FUBP1: variants seen among roughly 807,000 people sequenced by gnomAD.
The protein encoded by FUBP1 is far upstream element binding protein 1.
Under a neutral mutation model 94.9 loss-of-function variants are expected in FUBP1, and 16 were observed. The observed-to-expected ratio is 0.17, with a 90% CI of 0.11 to 0.26. The LOEUF (loss-of-function observed/expected upper bound fraction) is 0.26, where lower values mean the gene tolerates loss of function less well. Ranked by LOEUF, FUBP1 falls within the 10% of genes least tolerant of loss-of-function variation. FUBP1 has a pLI of 1.00. For missense variants in FUBP1, 583 were observed against 808.6 expected, an observed-to-expected ratio of 0.72 and a Z score of 3.38; for synonymous variants, 279 against 254.9, an observed-to-expected ratio of 1.09 and a Z score of -0.90.
At chr1:77,977,141 C>G (rs192873751) in intron 1 of FUBP1, among the ~76,000 whole-genome samples, 1 of 152,312 alleles carries the variant, frequency 6.6e-6, no homozygotes, top group East Asian at 1.9e-4. Context: ...TAATCCTGTT[C>G]ATCTGCATTT....
At chr1:77,970,424 T>C (rs1302363845) in intron 1 of FUBP1, among the ~76,000 whole-genome samples, 1 of 152,224 alleles carries the variant, frequency 6.6e-6, no homozygotes, top group Non-Finnish European at 1.5e-5. Flanking sequence ...ATGTGGTTAT[T>C]GAGTACTCAA....
At position 77,978,990 on chromosome 1, in the gene FUBP1, T is replaced by G. The variant is rs139086388; in HGVS notation, c.15A>C (p.Ser5=). Residue 5 remains serine, a synonymous_variant, in exon 1 of 20, where the codon TCA becomes TCC. Coordinates refer to ENST00000370768, the MANE Select transcript of FUBP1 (RefSeq NM_003902.5). MADY[S]TVPPPSSGSA... ...AGCCAGAAGAGGGGGGAGGCACTGT[T>G]GAATAGTCTGCCATGGTTGCACTAT... is the stretch of plus-strand genomic sequence containing the variant. 6.1e-5 allele frequency: 99 copies of G among 1,613,342 alleles called. No individual in the cohort carries two copies. In the African/African-American group the frequency reaches 1.1e-3, roughly 19 times the overall value.
At chr1:77,972,006 A>T (rs1384077726) in intron 1 of FUBP1, among the ~76,000 whole-genome samples, 2 of 79,828 alleles carry the variant, frequency 2.5e-5, no homozygotes, top group Non-Finnish European at 2.2e-5. Flanking sequence ...CTCTGTCTCA[A>T]AAAAAAAAAA....
At chr1:77,973,550 TATTTA>T (rs1029566486) in intron 1 of FUBP1, among the ~76,000 whole-genome samples, 36 of 152,332 alleles carry the variant, frequency 2.4e-4, no homozygotes, top group African/African-American at 8.4e-4. Context: ...CTGGCTACTT[TATTTA>T]ATTTTAGTTT....
Position 77,965,215 on chromosome 1 carries a change from G to A in FUBP1, c.490C>T (p.Leu164=), listed in dbSNP as rs1218101183. The A allele has an allele frequency of 2.5e-6, 4 of 1,604,670 alleles. No individual in the cohort carries two copies. The highest frequency in any genetic ancestry group is 1.3e-5 in the African/African-American group (1 of 74,740). Residue 164 remains leucine (L), a synonymous_variant, in exon 8 of 20, where the codon CTG becomes TTG. Transcript: ENST00000370768. The part of the protein sequence containing the change: ...PESVQSAKRL[L]DQIVEKGRPA... ...CTTCCTTTTTCAACAATCTGGTCCA[G>A]TAACCGTTTTGCTGACCTGTTAACA...
At chr1:77,964,564 G>T in intron 10 of FUBP1, 82 bp downstream of exon 10, 1 of 824,418 alleles carries the variant, frequency 1.2e-6, no homozygotes, top group South Asian at 1.5e-5. Context: ...AACAATGTTA[G>T]AGCTACTTAA....
chr1:77,958,385 T>C (rs1416490512), intron 16 of FUBP1, among the ~76,000 whole-genome samples: 1 of 152,258 alleles, frequency 6.6e-6, no homozygotes, highest in Non-Finnish European at 1.5e-5. Flanking sequence ...CTAGGACTGA[T>C]ATAGGTTTAT....
chr1:77,961,035 T>C (rs1655375979), intron 14 of FUBP1, among the ~76,000 whole-genome samples: 1 of 152,210 alleles, frequency 6.6e-6, no homozygotes, highest in South Asian at 2.1e-4. Flanking sequence ...TAAAATCCCA[T>C]TCAGATCAAT....
intron 18 of FUBP1, among the ~76,000 whole-genome samples, chr1:77,954,054 G>T (rs947491357): frequency 6.6e-6 from 1 of 152,146 alleles, no homozygotes. Flanking sequence ...TCAATCTCCT[G>T]TGTTCAAGGA....
intron 1 of FUBP1, among the ~76,000 whole-genome samples, chr1:77,974,086 G>A (rs1009519342): frequency 2.0e-5 from 3 of 150,304 alleles, no homozygotes; most frequent in African/African-American, 7.3e-5. Context: ...CAGCCTTCTG[G>A]ATAGCTGGTA....
At chr1:77,979,077 T>A, upstream of FUBP1, 1 of 1,394,490 alleles carries the variant, frequency 7.2e-7, no homozygotes. Context: ...AGAAAGAAAA[T>A]GGCGGCCGTC....
intron 1 of FUBP1, among the ~76,000 whole-genome samples, chr1:77,973,010 C>CT (rs1233803921): frequency 1.4e-5 from 2 of 138,670 alleles, no homozygotes; most frequent in Non-Finnish European, 3.1e-5. Flanking sequence ...GACTCCATCT[C>CT]TTAAAAAAAA....
intron 14 of FUBP1, among the ~76,000 whole-genome samples, chr1:77,962,374 C>T (rs1013703503): frequency 2.0e-5 from 3 of 152,182 alleles, no homozygotes; most frequent in African/African-American, 7.2e-5. Context: ...TGAATTTCTA[C>T]TGTAGAGTGG....
rs773850683 is a variant in FUBP1 at position 77,960,349 on chromosome 1, A to G, written c.1491T>C (p.Ala497=). 1 of 1,610,874 alleles carries G rather than the reference A, an allele frequency of 6.2e-7. No homozygotes were observed. The highest frequency in any genetic ancestry group is 2.2e-5 in the East Asian group (1 of 44,868). The stretch of plus-strand genomic sequence containing the variant: ...GAACTAAACCCAATACTTACTGAGG[A>G]GCCGGGCCTGGTGGTCCAGGATTAT... The part of the protein sequence containing the change: ...APYNPGPPGP[A]PHGPPAPYAP... Residue 497 remains alanine (A), a synonymous_variant, in exon 15 of 20, where the codon GCT becomes GCC. Coordinates refer to ENST00000370768, the MANE Select transcript of FUBP1 (RefSeq NM_003902.5).
In FUBP1 at chr1:77,948,090, T is replaced by C. The variant is rs1057150285; in HGVS notation, c.*676A>G. 4.8e-6 allele frequency: 5 copies of C among 1,033,430 alleles called. No homozygotes were observed. The highest frequency in any genetic ancestry group is 5.8e-6 in the Non-Finnish European group (5 of 858,300). The allele number at this position is 1,033,430 out of a possible 1,614,324, so 64.0% of individuals were successfully genotyped here. ...CAGTACAGGTCTGAAACAGTGGTCA[T>C]GTATAAAAGGAAATTTCACTGTTAA... On this transcript the variant is annotated 3_prime_UTR_variant, in exon 20 of 20. Transcript: ENST00000370768.
chr1:77,948,823 C>A, intron 19 of FUBP1, 49 bp from the exon 20 acceptor site: 1 of 1,606,864 alleles, frequency 6.2e-7, no homozygotes, highest in Non-Finnish European at 8.5e-7. Flanking sequence ...AAAGAAAATC[C>A]TTGAAATGGA....
At chr1:77,977,439 T>C (rs924909425) in intron 1 of FUBP1, among the ~76,000 whole-genome samples, 1 of 152,142 alleles carries the variant, frequency 6.6e-6, no homozygotes, top group Non-Finnish European at 1.5e-5. Flanking sequence ...GGCAGGAGAA[T>C]TGCTTGAAGC....
intron 1 of FUBP1, among the ~76,000 whole-genome samples, chr1:77,972,486 T>C (rs887859692): frequency 6.6e-5 from 10 of 150,818 alleles, no homozygotes; most frequent in Admixed American, 5.3e-4. Flanking sequence ...GGCTCATGCC[T>C]GTAATCCCAG....
intron 8 of FUBP1, 27 bp downstream of exon 8, chr1:77,965,042 G>C (rs1178736765): frequency 1.2e-6 from 2 of 1,604,070 alleles, no homozygotes; most frequent in African/African-American, 2.7e-5. Context: ...CAGATCAAAA[G>C]TAGCCATTTC....
Sources: gnomAD v4.1 joint callset for allele counts (sites outside exome capture counted in the v4.1 genomes callset) on GRCh38, gnomAD v4.1.1 for gene constraint, MANE v1.5 for transcripts, NCBI Gene and HGNC (gene_info 2026-07-23, HGNC 2026-07-21) for gene names.